The following FOXP1 variants were observed in gnomAD, a reference collection of about 807,000 sequenced individuals.
The protein encoded by FOXP1 is forkhead box protein P1.
In FOXP1, 15 loss-of-function variants were observed where a neutral mutation model predicts 98.2. That is an observed-to-expected ratio of 0.15 (90% confidence interval 0.10 to 0.24). The LOEUF (loss-of-function observed/expected upper bound fraction) is 0.24, where lower values mean the gene tolerates loss of function less well. Ranked by LOEUF, FOXP1 falls within the 10% of genes least tolerant of loss-of-function variation. FOXP1 has a pLI of 1.00. For synonymous variants in FOXP1, 371 were observed against 314.5 expected, an observed-to-expected ratio of 1.18 and a Z score of -1.90; for missense variants, 633 against 848.5, an observed-to-expected ratio of 0.75 and a Z score of 3.15.
intron 6 of FOXP1, among the ~76,000 whole-genome samples, chr3:71,121,164 C>A (rs2058737374): frequency 6.6e-6 from 1 of 151,686 alleles, no homozygotes; most frequent in African/African-American, 2.4e-5. Context: ...TGCGCACCAA[C>A]TACAGGAGAC....
chr3:71,411,309 GTGTGTGTGTA>G (rs1183489770), intron 3 of FOXP1, among the ~76,000 whole-genome samples: 55 of 133,612 alleles, frequency 4.1e-4, no homozygotes, highest in African/African-American at 9.4e-4. Context: ...GTGTGTGTGT[GTGTGTGTGTA>G]TGTGTGTGTG....
In FOXP1 at chr3:71,198,357, T is replaced by C. The variant is rs1192817397; in HGVS notation, c.25A>G (p.Thr9Ala). 2 of 1,395,908 alleles carry C rather than the reference T, an allele frequency of 1.4e-6. No individual in the cohort carries two copies. The highest frequency in any genetic ancestry group is 4.1e-5 in the East Asian group (1 of 24,558). The allele number at this position is 1,395,908 out of a possible 1,614,324, so 86.5% of individuals were successfully genotyped here. MMQESGTE[T>A]KSNGSAIQNG... ...TGGATGGCTGAACCGTTACTTTTTGTCTCAGTCCCAGATTCTTGCATCATG... is the reference window on the plus strand; with the variant it reads ...TGGATGGCTGAACCGTTACTTTTTGCCTCAGTCCCAGATTCTTGCATCATG... The change falls in exon 6 of 21, where the codon ACA becomes GCA. Residue 9 changes from threonine (T) to alanine (A), a missense_variant. Coordinates refer to ENST00000649528, the MANE Select transcript of FOXP1 (RefSeq NM_001349338.3).
intron 3 of FOXP1, among the ~76,000 whole-genome samples, chr3:71,395,020 A>C (rs2081281772): frequency 6.7e-6 from 1 of 149,188 alleles, no homozygotes; most frequent in Non-Finnish European, 1.5e-5. Flanking sequence ...GAATTGCTTG[A>C]ACCCAGGAGG....
At chr3:71,434,199 A>G (rs1163740745) in intron 3 of FOXP1, among the ~76,000 whole-genome samples, 1 of 152,216 alleles carries the variant, frequency 6.6e-6, no homozygotes, top group African/African-American at 2.4e-5. Flanking sequence ...AAAGATAAGG[A>G]GCTCTGAAGA....
chr3:71,329,614 C>T (rs1019871078), intron 4 of FOXP1, among the ~76,000 whole-genome samples: 12 of 151,812 alleles, frequency 7.9e-5, no homozygotes, highest in Admixed American at 7.9e-4. Flanking sequence ...AGGATCTTCC[C>T]CTAAAGCACT....
chr3:71,502,081 A>T (rs141246900), intron 2 of FOXP1, among the ~76,000 whole-genome samples: 1 of 152,336 alleles, frequency 6.6e-6, no homozygotes, highest in Non-Finnish European at 1.5e-5. Flanking sequence ...TTGGCACCCT[A>T]TCTATAACAA....
intron 1 of FOXP1, 92 bp from the exon 2 acceptor site, chr3:71,581,789 G>C (rs1245152327): frequency 1.0e-6 from 1 of 985,714 alleles, no homozygotes; most frequent in African/African-American, 1.7e-5. Flanking sequence ...TGAGTAGGCC[G>C]AGGGGCCAGG....
chr3:71,415,212 A>G (rs2108296039), intron 3 of FOXP1, among the ~76,000 whole-genome samples: 1 of 152,364 alleles, frequency 6.6e-6, no homozygotes, highest in South Asian at 2.1e-4. Flanking sequence ...ACGCTCTGAG[A>G]TGTTCTCAAT....
At chr3:70,973,027 T>TTGACACACAG (rs2036609599) in intron 17 of FOXP1, among the ~76,000 whole-genome samples, 6 of 152,186 alleles carry the variant, frequency 3.9e-5, no homozygotes, top group Non-Finnish European at 1.5e-5. Flanking sequence ...CTGCCCTTTT[T>TTGACACACAG]AAGCCCACCT....
Position 71,054,132 on chromosome 3 carries a change from T to C in FOXP1, c.283-359A>G, listed in dbSNP as rs187584549. On this transcript the variant is annotated intron_variant, in intron 7 of 20. Transcript: ENST00000649528. The stretch of plus-strand genomic sequence containing the variant: ...TGGGAAGTTAACCCAGACTTGAATT[T>C]TGTTTGAGAGAAGACAAATGGTAAC... Among the ~76,000 whole-genome samples, 11 of 152,316 alleles carry C rather than the reference T, an allele frequency of 7.2e-5. No individual in the cohort carries two copies. The East Asian group carries it at 2.1e-3, about 29-fold the overall frequency.
At chr3:71,159,560 T>C (rs1357070813) in intron 6 of FOXP1, among the ~76,000 whole-genome samples, 2 of 152,230 alleles carry the variant, frequency 1.3e-5, no homozygotes, top group African/African-American at 2.4e-5. Flanking sequence ...CGAATTTCTC[T>C]TCCTGGAGAG....
intron 3 of FOXP1, among the ~76,000 whole-genome samples, chr3:71,374,651 A>C (rs2079588210): frequency 6.6e-6 from 1 of 152,196 alleles, no homozygotes; most frequent in African/African-American, 2.4e-5. Context: ...GGAGTATATG[A>C]ACCCCAAAGC....
At chr3:71,405,813 C>G in intron 3 of FOXP1, among the ~76,000 whole-genome samples, 1 of 152,082 alleles carries the variant, frequency 6.6e-6, no homozygotes, top group East Asian at 1.9e-4. Context: ...ATCACAACCT[C>G]TGCCTCCCGG....
rs913998293 is a variant in FOXP1 at position 71,362,127 on chromosome 3, T to G, written c.-167-2883A>C. On this transcript the variant is annotated intron_variant, in intron 3 of 20. Transcript: ENST00000649528. ...AGAGCAGCTTCCATCTCAAACAAAC[T>G]TCACTAACTGTATGATACTGAATGA... is the stretch of plus-strand genomic sequence containing the variant. Among the ~76,000 whole-genome samples the G allele has an allele frequency of 1.4e-4, 21 of 152,302 alleles. No homozygotes were observed. In the East Asian group the frequency reaches 3.9e-3, roughly 28 times the overall value.
intron 5 of FOXP1, among the ~76,000 whole-genome samples, chr3:71,248,452 A>C (rs545263701): frequency 6.6e-6 from 1 of 152,304 alleles, no homozygotes; most frequent in Admixed American, 6.5e-5. Context: ...GTCTAAAAAA[A>C]TCCAGCATGG....
intron 11 of FOXP1, among the ~76,000 whole-genome samples, chr3:71,027,661 AGATTT>A (rs2046309428): frequency 6.6e-6 from 1 of 152,210 alleles, no homozygotes; most frequent in Non-Finnish European, 1.5e-5. Flanking sequence ...CATATATTTA[AGATTT>A]GATATTACAT....
At chr3:70,981,100 G>C (rs1264212940) in intron 14 of FOXP1, among the ~76,000 whole-genome samples, 3 of 136,148 alleles carry the variant, frequency 2.2e-5, no homozygotes, top group Admixed American at 1.7e-4. Context: ...ACGAAGAATA[G>C]ACAAATCCCA....
chr3:71,388,896 T>A (rs539571965), intron 3 of FOXP1, among the ~76,000 whole-genome samples: 1 of 151,026 alleles, frequency 6.6e-6, no homozygotes, highest in African/African-American at 2.4e-5. Flanking sequence ...ATGGTCTTTA[T>A]AGTAACACAC....
intron 3 of FOXP1, among the ~76,000 whole-genome samples, chr3:71,446,209 A>G (rs1302683917): frequency 1.3e-5 from 2 of 152,190 alleles, no homozygotes; most frequent in Non-Finnish European, 2.9e-5. Flanking sequence ...ACTGGCTTCC[A>G]TAAAAGCTGC....
Sources: gnomAD v4.1 joint callset for allele counts (sites outside exome capture counted in the v4.1 genomes callset) on GRCh38, gnomAD v4.1.1 for gene constraint, MANE v1.5 for transcripts, NCBI Gene and HGNC (gene_info 2026-07-23, HGNC 2026-07-21) for gene names.